The following EPB41L4A variants were observed in gnomAD, a reference collection of about 807,000 sequenced individuals.
EPB41L4A encodes erythrocyte membrane protein band 4.1 like 4A.
Under a neutral mutation model 108.6 loss-of-function variants are expected in EPB41L4A, and 100 were observed. The ratio of observed to expected loss-of-function variants is 0.92; its 90% CI spans 0.78 to 1.09. EPB41L4A has a LOEUF of 1.09. Ranked by LOEUF, EPB41L4A falls within the 50% of genes least tolerant of loss-of-function variation. The pLI, the probability that EPB41L4A is intolerant of heterozygous loss-of-function variation, is 0.00. For synonymous variants in EPB41L4A, 319 were observed against 289.0 expected, an observed-to-expected ratio of 1.10 and a Z score of -1.05; for missense variants, 1,030 against 842.7, an observed-to-expected ratio of 1.22 and a Z score of -2.75.
At chr5:112,264,294 C>T (rs1010317263) in intron 6 of EPB41L4A, 9 of 152,200 alleles carry the variant, frequency 5.9e-5, no homozygotes, top group Admixed American at 5.9e-4. Flanking sequence ...AGCGTGTCTA[C>T]TCTCAGAAAT....
intron 1 of EPB41L4A, among the ~76,000 whole-genome samples, chr5:112,413,488 T>C (rs577916307): frequency 4.6e-5 from 7 of 152,314 alleles, no homozygotes; most frequent in South Asian, 2.1e-4. Context: ...AAATTATAGT[T>C]AATAAGCATC....
Position 112,194,619 on chromosome 5 carries a change from C to T in EPB41L4A, c.1451G>A (p.Ser484Asn). ...RRSRSRCNTS[S>N]GSESENSNRE... Reference sequence around the variant, plus strand: ...ATTAGAATTTTCTGATTCACTACCACTGCTGGTGTTACAGCGTGAACGTGA... The same window carrying T: ...ATTAGAATTTTCTGATTCACTACCATTGCTGGTGTTACAGCGTGAACGTGA... Residue 484 changes from serine to asparagine, a missense_variant, in exon 17 of 23, where the codon AGT becomes AAT. Coordinates refer to ENST00000261486, the MANE Select transcript of EPB41L4A (RefSeq NM_022140.5). 6.2e-7 allele frequency: 1 copy of T among 1,607,304 alleles called. No homozygotes were observed. Among genetic ancestry groups the T allele is most frequent in the Non-Finnish European group, 8.5e-7 (1 of 1,176,774 alleles).
At chr5:112,142,531 C>T (rs963676234) in exon 14 of EPB41L4A, 2 of 152,170 alleles carry the variant, frequency 1.3e-5, no homozygotes, top group African/African-American at 4.8e-5. Flanking sequence ...AAAGTTAATA[C>T]CTTTATTACA....
chr5:112,403,170 T>C (rs547051663), intron 1 of EPB41L4A, among the ~76,000 whole-genome samples: 17 of 152,152 alleles, frequency 1.1e-4, no homozygotes, highest in Non-Finnish European at 2.2e-4. Flanking sequence ...GCTGGTTTCC[T>C]TTATAGCTGT....
In EPB41L4A at chr5:112,209,933, AT is replaced by A; in HGVS notation, c.1136del (p.Asn379MetfsTer13). On this transcript the variant is annotated frameshift_variant, in exon 13 of 23. Coordinates refer to ENST00000261486, the MANE Select transcript of EPB41L4A (RefSeq NM_022140.5). LOFTEE classifies it high-confidence loss of function. The stretch of plus-strand genomic sequence containing the variant: ...GTGCAATAATTTTAATTGTTCCTTC[AT>A]TTTCTCCATTTTCCATGTTTGCAGT... ...RITANMENGE[N>X]EGTIKIIAPS... 6.2e-7 allele frequency: 1 copy of A among 1,608,092 alleles called. No homozygotes were observed. The highest frequency in any genetic ancestry group is 8.5e-7 in the Non-Finnish European group (1 of 1,175,956).
In EPB41L4A at chr5:112,309,089, A is replaced by G. The variant is rs542904578; in HGVS notation, c.100-1599T>C. Among the ~76,000 whole-genome samples, 31 of 152,278 alleles carry G rather than the reference A, an allele frequency of 2.0e-4. No homozygotes were observed. The East Asian group carries it at 6.0e-3, about 29-fold the overall frequency. The stretch of plus-strand genomic sequence containing the variant: ...GAATTTTACTTATACTTAGCTCTTC[A>G]TTCCATCTGGAAATTATTTTTGTTC... On this transcript the variant is annotated intron_variant, in intron 1 of 22. Transcript: ENST00000261486.
chr5:112,318,386 T>C (rs1392374855), intron 1 of EPB41L4A, among the ~76,000 whole-genome samples: 2 of 152,220 alleles, frequency 1.3e-5, no homozygotes, highest in Admixed American at 6.5e-5. Context: ...TTCTTTGGTT[T>C]CATCACTGTC....
chr5:112,144,732 TG>T (rs1342322114), intron 13 of EPB41L4A, among the ~76,000 whole-genome samples: 1 of 152,190 alleles, frequency 6.6e-6, no homozygotes, highest in African/African-American at 2.4e-5. Context: ...AAAGTAGCAA[TG>T]ACATCCCAGG....
chr5:112,365,948 T>G (rs557885767), intron 1 of EPB41L4A, among the ~76,000 whole-genome samples: 2 of 152,330 alleles, frequency 1.3e-5, no homozygotes, highest in East Asian at 3.9e-4. Context: ...AATGTTAGCC[T>G]TTATCTCCCC....
At position 112,162,766 on chromosome 5, in the gene EPB41L4A, C is replaced by T. The variant is rs930808092; in HGVS notation, c.*2224G>A. 4 of 152,070 alleles carry T rather than the reference C, an allele frequency of 2.6e-5. No individual in the cohort carries two copies. The highest frequency in any genetic ancestry group is 9.7e-5 in the African/African-American group (4 of 41,374). 9.4% of individuals were successfully genotyped at this position (152,070 alleles called of 1,614,324 possible). A position where few individuals can be genotyped will look rare whatever the true frequency, so the allele number is the denominator to read the frequency against. ...TAAAACTTCACTATGAGATGAGTTC[C>T]GTGATAGGATTTTCTTAGGGAAACC... On this transcript the variant is annotated 3_prime_UTR_variant, in exon 23 of 23. Transcript: ENST00000261486.
chr5:112,417,275 T>C (rs1401584711), intron 1 of EPB41L4A, among the ~76,000 whole-genome samples: 1 of 152,238 alleles, frequency 6.6e-6, no homozygotes, highest in South Asian at 2.1e-4. Flanking sequence ...GGCTGCTCTC[T>C]TGACAGAATA....
Position 112,195,692 on chromosome 5 carries a change from CACT to C in EPB41L4A, c.1390_1392del (p.Ser464del), listed in dbSNP as rs1296194632. 22 of 1,613,464 alleles carry C rather than the reference CACT, an allele frequency of 1.4e-5. No homozygotes were observed. The highest frequency in any genetic ancestry group is 1.9e-5 in the Non-Finnish European group (22 of 1,179,802). On this transcript the variant is annotated inframe_deletion, in exon 16 of 23. Transcript: ENST00000261486. ...CTTTGCTTAAGATCTGAATCTTCAC[CACT>C]GTTATGGGCTTTCCTGTGAAAACAA...
chr5:112,317,726 A>G (rs1694398042), intron 1 of EPB41L4A, among the ~76,000 whole-genome samples: 1 of 152,234 alleles, frequency 6.6e-6, no homozygotes, highest in Admixed American at 6.5e-5. Context: ...AAAAATGTAA[A>G]AACAAGGTCA....
chr5:112,379,192 T>C (rs555745482), intron 1 of EPB41L4A, among the ~76,000 whole-genome samples: 1 of 152,268 alleles, frequency 6.6e-6, no homozygotes, highest in African/African-American at 2.4e-5. Flanking sequence ...AGCATATACA[T>C]GTCCCCCCAT....
intron 17 of EPB41L4A, among the ~76,000 whole-genome samples, chr5:112,189,270 C>A (rs1374807554): frequency 6.6e-6 from 1 of 152,216 alleles, no homozygotes; most frequent in African/African-American, 2.4e-5. Context: ...ACAGAACTTG[C>A]CTGTGCAGGG....
intron 1 of EPB41L4A, among the ~76,000 whole-genome samples, chr5:112,368,548 C>A (rs1224291841): frequency 6.6e-6 from 1 of 152,124 alleles, no homozygotes; most frequent in Non-Finnish European, 1.5e-5. Flanking sequence ...CTTGGTGTTC[C>A]AGCCTCTCTG....
intron 9 of EPB41L4A, among the ~76,000 whole-genome samples, chr5:112,243,169 G>A (rs561620311): frequency 2.7e-4 from 40 of 147,086 alleles, no homozygotes; most frequent in African/African-American, 7.6e-4. Flanking sequence ...AGCCGAGATC[G>A]TGCCACTGCA....
chr5:112,397,615 T>C, intron 1 of EPB41L4A, among the ~76,000 whole-genome samples: 1 of 152,172 alleles, frequency 6.6e-6, no homozygotes, highest in Non-Finnish European at 1.5e-5. Context: ...ACCTCAACAG[T>C]AATCAAAAAA....
At chr5:112,393,671 G>C (rs78845592) in intron 1 of EPB41L4A, among the ~76,000 whole-genome samples, 1 of 152,138 alleles carries the variant, frequency 6.6e-6, no homozygotes, top group Non-Finnish European at 1.5e-5. Flanking sequence ...ACAAGGAGGA[G>C]CTGGTACCAT....
Sources: gnomAD v4.1 joint callset for allele counts (sites outside exome capture counted in the v4.1 genomes callset) on GRCh38, gnomAD v4.1.1 for gene constraint, MANE v1.5 for transcripts, NCBI Gene and HGNC (gene_info 2026-07-23, HGNC 2026-07-21) for gene names.